Variants in SYNRG observed in about 807,000 individuals in gnomAD.
SYNRG encodes AP1 gamma subunit binding protein 1.
SYNRG carries 37 observed loss-of-function variants against 130.9 expected under a neutral mutation model. The ratio of observed to expected loss-of-function variants is 0.28; its 90% CI spans 0.22 to 0.37. The LOEUF is 0.37. SYNRG is among the 10% of genes least tolerant of loss of function. SYNRG has a pLI of 1.00. For synonymous variants in SYNRG, 539 were observed against 568.1 expected, an observed-to-expected ratio of 0.95 and a Z score of 0.73; for missense variants, 1,338 against 1,588.9, an observed-to-expected ratio of 0.84 and a Z score of 2.68.
intron 13 of SYNRG, among the ~76,000 whole-genome samples, chr17:37,557,797 G>A (rs1350977254): frequency 6.6e-6 from 1 of 151,922 alleles, no homozygotes; most frequent in East Asian, 1.9e-4. Context: ...TGTGAGCTAT[G>A]ACTGCGCCAC....
At chr17:37,595,327 T>C (rs1229867421) in intron 3 of SYNRG, among the ~76,000 whole-genome samples, 3 of 152,224 alleles carry the variant, frequency 2.0e-5, no homozygotes, top group Non-Finnish European at 4.4e-5. Flanking sequence ...TATAAAAGTA[T>C]ATACTGTATA....
intron 18 of SYNRG, 37 bp from the exon 19 acceptor site, chr17:37,536,164 G>C: frequency 6.3e-7 from 1 of 1,576,638 alleles, no homozygotes; most frequent in Non-Finnish European, 8.6e-7. Context: ...AGTGTTGGCA[G>C]TGGAGACACA....
chr17:37,538,625 T>C (rs1182744480), intron 17 of SYNRG, among the ~76,000 whole-genome samples: 4 of 152,268 alleles, frequency 2.6e-5, no homozygotes, highest in Admixed American at 1.3e-4. Flanking sequence ...AGACGGAGTC[T>C]CGCTCTGTAG....
In SYNRG at chr17:37,516,922, T is replaced by G. The variant is rs1296323392; in HGVS notation, c.*2018A>C. On this transcript the variant is annotated 3_prime_UTR_variant, in exon 22 of 22. Transcript: ENST00000612223. ...CAAAGGTAGATTCTGCTGTCATGGT[T>G]CTGTTATGAAATTTAGGCCAGGCGC... 5 of 152,244 alleles carry G rather than the reference T, an allele frequency of 3.3e-5. No individual in the cohort carries two copies. In the East Asian group the frequency reaches 9.6e-4, roughly 29 times the overall value. The allele number at this position is 152,244 out of a possible 1,614,324, so 9.4% of individuals were successfully genotyped here.
At chr17:37,558,933 C>T (rs371214712) in intron 13 of SYNRG, among the ~76,000 whole-genome samples, 18 of 152,218 alleles carry the variant, frequency 1.2e-4, no homozygotes, top group Admixed American at 3.9e-4. Flanking sequence ...AATACGAGTT[C>T]GGTTGAGTCC....
chr17:37,585,418 T>C lies in SYNRG; in HGVS notation c.384A>G (p.Glu128=). The C allele has an allele frequency of 6.2e-7, 1 of 1,612,464 alleles. No individual in the cohort carries two copies. Among genetic ancestry groups the C allele is most frequent in the Non-Finnish European group, 8.5e-7 (1 of 1,179,782 alleles). Residue 128 remains glutamate, a synonymous_variant, in exon 5 of 22, where the codon GAA becomes GAG. Transcript: ENST00000612223. Reference sequence around the variant, plus strand: ...CTTCTTCTAAGAGTTTTTGCTGCTGTTCAAATCGTTTCCTGAAGGAAAAAT... The same window carrying C: ...CTTCTTCTAAGAGTTTTTGCTGCTGCTCAAATCGTTTCCTGAAGGAAAAAT... ...QFAEEQQKRF[E]QQQKLLEEER... is the part of the protein sequence containing the mutation.
At chr17:37,593,878 C>CAGA (rs1568517252) in intron 3 of SYNRG, among the ~76,000 whole-genome samples, 1 of 89,570 alleles carries the variant, frequency 1.1e-5, no homozygotes, top group Admixed American at 1.2e-4. Context: ...AACTCCCTCT[C>CAGA]AAAAAAAAAA....
intron 14 of SYNRG, among the ~76,000 whole-genome samples, chr17:37,547,894 G>A (rs1026221597): frequency 1.3e-5 from 2 of 152,176 alleles, no homozygotes; most frequent in African/African-American, 4.8e-5. Flanking sequence ...ATGTTACTTG[G>A]CATCAGGGTA....
At chr17:37,561,102 A>G in intron 13 of SYNRG, 93 bp downstream of exon 13, 1 of 1,080,612 alleles carries the variant, frequency 9.3e-7, no homozygotes, top group Non-Finnish European at 1.4e-6. Context: ...CACACACACT[A>G]AAATAAAGGG....
rs1182368661 is a variant in SYNRG, at chr17:37,561,606, A to G, written c.1482-17T>C. On this transcript the variant is annotated splice_polypyrimidine_tract_variant and intron_variant, in intron 11 of 21. Coordinates refer to ENST00000612223, the MANE Select transcript of SYNRG (RefSeq NM_007247.6). ...GAAGGGGCACTGAAGGAAAAAATAA[A>G]CATATTTTGATGACATTGAATCCCT... 2 of 1,576,236 alleles carry G rather than the reference A, an allele frequency of 1.3e-6. No homozygotes were observed. Among genetic ancestry groups the G allele is most frequent in the Non-Finnish European group, 1.7e-6 (2 of 1,145,938 alleles).
intron 11 of SYNRG, among the ~76,000 whole-genome samples, chr17:37,563,293 T>G (rs996385016): frequency 3.9e-5 from 6 of 152,190 alleles, no homozygotes; most frequent in African/African-American, 7.2e-5. Context: ...ATTTTACACT[T>G]AAGAACCTGT....
intron 6 of SYNRG, among the ~76,000 whole-genome samples, chr17:37,580,510 T>TGTGTGAGAGA (rs1384344164): frequency 3.2e-4 from 41 of 127,718 alleles, no homozygotes; most frequent in African/African-American, 1.5e-3. Context: ...TGTGTGTGTG[T>TGTGTGAGAGA]GAGAGAGAGA....
intron 19 of SYNRG, among the ~76,000 whole-genome samples, chr17:37,524,159 T>C (rs991294317): frequency 1.3e-5 from 2 of 152,320 alleles, no homozygotes; most frequent in East Asian, 3.9e-4. Context: ...TTTGTCTTCA[T>C]GGATACTGAG....
chr17:37,600,563 A>AT, intron 1 of SYNRG, 160 bp from the exon 2 acceptor site: 8 of 757,926 alleles, frequency 1.1e-5, no homozygotes, highest in Non-Finnish European at 1.7e-5. Context: ...GAGCATCCAT[A>AT]GGATGCATGT....
intron 2 of SYNRG, among the ~76,000 whole-genome samples, chr17:37,598,683 T>TG (rs1156347079): frequency 6.6e-6 from 1 of 151,994 alleles, no homozygotes; most frequent in African/African-American, 2.4e-5. Flanking sequence ...AGCCTTCAAA[T>TG]GATCAAAAAG....
chr17:37,597,600 T>C (rs985935279), intron 2 of SYNRG, among the ~76,000 whole-genome samples: 4 of 152,348 alleles, frequency 2.6e-5, no homozygotes, highest in Middle Eastern at 3.4e-3. Flanking sequence ...GAATAGGTAA[T>C]ATAACAGTTA....
At chr17:37,568,761 C>T (rs1568421297) in intron 11 of SYNRG, 30 bp downstream of exon 11, 3 of 1,602,846 alleles carry the variant, frequency 1.9e-6, no homozygotes, top group Admixed American at 1.7e-5. Context: ...TGGTTAAATG[C>T]AATGTTAAAT....
At chr17:37,543,017 G>T (rs575780438) in intron 14 of SYNRG, among the ~76,000 whole-genome samples, 1 of 152,228 alleles carries the variant, frequency 6.6e-6, no homozygotes, top group Non-Finnish European at 1.5e-5. Context: ...ATTAAAAGTT[G>T]ACAGTTTCTC....
chr17:37,608,975 T>C (rs2064098768), intron 1 of SYNRG, among the ~76,000 whole-genome samples: 2 of 149,750 alleles, frequency 1.3e-5, no homozygotes, highest in Admixed American at 1.3e-4. Context: ...TCGCGGTTCC[T>C]GATTTGCCCC....
Sources: gnomAD v4.1 joint callset for allele counts (sites outside exome capture counted in the v4.1 genomes callset) on GRCh38, gnomAD v4.1.1 for gene constraint, MANE v1.5 for transcripts, NCBI Gene and HGNC (gene_info 2026-07-23, HGNC 2026-07-21) for gene names.